Variants in KDM4C observed in about 807,000 individuals in gnomAD.
KDM4C encodes the protein lysine-specific demethylase 4C.
Under a neutral mutation model 129.3 loss-of-function variants are expected in KDM4C, and 81 were observed. That is an observed-to-expected ratio of 0.63 (90% confidence interval 0.52 to 0.75). The LOEUF (loss-of-function observed/expected upper bound fraction) is 0.75, where lower values mean the gene tolerates loss of function less well. Among genes scored for constraint, KDM4C ranks in the 30% least tolerant of loss-of-function variants. KDM4C has a pLI of 0.00. For missense variants in KDM4C, 1,457 were observed against 1,304.0 expected (o/e 1.12, Z -1.81); for synonymous variants, 573 against 456.1 (o/e 1.26, Z -3.26).
rs190065593 is a variant in KDM4C at position 6,881,328 on chromosome 9, A to T, written c.679+1267A>T. ...GTGTCTTTTTAAAAATGTAATACATAATAGTAATAATAGCGATTGATGTAA... is the reference window on the plus strand; with the variant it reads ...GTGTCTTTTTAAAAATGTAATACATTATAGTAATAATAGCGATTGATGTAA... On this transcript the variant is annotated intron_variant, in intron 6 of 21. Coordinates refer to ENST00000381309, the MANE Select transcript of KDM4C (RefSeq NM_015061.6). Among the ~76,000 whole-genome samples the T allele has an allele frequency of 1.8e-3, 275 of 152,322 alleles. 2 individuals carry two copies. Among genetic ancestry groups the T allele is most frequent in the African/African-American group, 6.3e-3 (261 of 41,574 alleles).
At chr9:6,807,380 C>G (rs1830200250) in intron 3 of KDM4C, among the ~76,000 whole-genome samples, 2 of 146,102 alleles carry the variant, frequency 1.4e-5, no homozygotes, top group African/African-American at 5.2e-5. Flanking sequence ...GCCTGGCTGC[C>G]CAGTCTGGAA....
Position 6,793,042 on chromosome 9 carries a change from C to T in KDM4C, c.54C>T (p.Thr18=), listed in dbSNP as rs781283427. The change falls in exon 2 of 22, where the codon ACC becomes ACT. Residue 18 remains threonine, a synonymous_variant. Transcript: ENST00000381309. ...TGAACCCCAGCTGTAAGATAATGAC[C>T]TTCAGACCCTCCATGGAGGAGTTCC... is the stretch of plus-strand genomic sequence containing the variant. ...SPLNPSCKIM[T]FRPSMEEFRE... The T allele has an allele frequency of 5.6e-6, 9 of 1,614,136 alleles. No individual in the cohort carries two copies. The highest frequency in any genetic ancestry group is 5.0e-5 in the Admixed American group (3 of 60,016).
In KDM4C at chr9:6,814,679, C is replaced by G; in HGVS notation, c.369C>G (p.Tyr123Ter). 6.2e-7 allele frequency: 1 copy of G among 1,611,382 alleles called. No homozygotes were observed. The highest frequency in any genetic ancestry group is 1.7e-5 in the Admixed American group (1 of 59,730). Residue 123 changes from tyrosine to a stop codon, truncating the protein, a stop_gained, in exon 4 of 22, where the codon TAC becomes TAG. Transcript: ENST00000381309. LOFTEE classifies it high-confidence loss of function. The stretch of plus-strand genomic sequence containing the variant: ...ATTACGAAGATTTGGAGCGCAAGTA[C>G]TGGAAGAACTTAACTTTTGTGGCAC... ...YLDYEDLERK[Y>*]WKNLTFVAPI...
At chr9:6,766,864 T>G (rs1379959443) in intron 1 of KDM4C, among the ~76,000 whole-genome samples, 3 of 152,150 alleles carry the variant, frequency 2.0e-5, no homozygotes, top group Non-Finnish European at 4.4e-5. Context: ...TTTCTCTTGT[T>G]GAATAAGGTT....
At chr9:6,873,188 G>T (rs1221370590) in intron 5 of KDM4C, among the ~76,000 whole-genome samples, 1 of 152,104 alleles carries the variant, frequency 6.6e-6, no homozygotes, top group Admixed American at 6.6e-5. Flanking sequence ...GTAGAGACGG[G>T]GTTTCACCAT....
At chr9:7,025,356 C>G (rs1349480204) in intron 15 of KDM4C, among the ~76,000 whole-genome samples, 2 of 151,930 alleles carry the variant, frequency 1.3e-5, no homozygotes, top group African/African-American at 2.4e-5. Context: ...TAGTGCGTTT[C>G]CATTGTTATT....
intron 8 of KDM4C, among the ~76,000 whole-genome samples, chr9:6,903,613 A>G (rs1035216230): frequency 6.6e-6 from 1 of 152,232 alleles, no homozygotes; most frequent in Non-Finnish European, 1.5e-5. Context: ...GTGAAAATAG[A>G]ATTGTAACTA....
chr9:6,939,527 C>T (rs1358643693), intron 8 of KDM4C, among the ~76,000 whole-genome samples: 1 of 152,112 alleles, frequency 6.6e-6, no homozygotes, highest in Non-Finnish European at 1.5e-5. Flanking sequence ...TTTGTCAGTC[C>T]CTGGTGCCAG....
intron 17 of KDM4C, among the ~76,000 whole-genome samples, chr9:7,074,327 C>A (rs1318802608): frequency 1.3e-5 from 2 of 152,008 alleles, no homozygotes; most frequent in African/African-American, 4.8e-5. Context: ...ACTTGCATGG[C>A]TAATTTTTTT....
chr9:7,008,490 C>T (rs778071238), intron 12 of KDM4C, among the ~76,000 whole-genome samples: 8 of 152,208 alleles, frequency 5.3e-5, no homozygotes, highest in Non-Finnish European at 1.2e-4. Flanking sequence ...CAAGCTGGTC[C>T]CCTGGTCTAG....
chr9:7,111,668 G>A (rs908528770), intron 18 of KDM4C, among the ~76,000 whole-genome samples: 2 of 152,158 alleles, frequency 1.3e-5, no homozygotes, highest in Admixed American at 1.3e-4. Context: ...AGGCTGAAGA[G>A]TTCAGTGTTA....
At chr9:6,939,052 G>T (rs1825346757) in intron 8 of KDM4C, among the ~76,000 whole-genome samples, 1 of 151,588 alleles carries the variant, frequency 6.6e-6, no homozygotes, top group South Asian at 2.1e-4. Context: ...CTGAGCCACA[G>T]ATCTCCTGCT....
At chr9:7,118,115 GAA>G (rs1173833267) in intron 18 of KDM4C, among the ~76,000 whole-genome samples, 1 of 152,084 alleles carries the variant, frequency 6.6e-6, no homozygotes, top group Admixed American at 6.6e-5. Flanking sequence ...GATTCAGATG[GAA>G]AAAAATTAGT....
At chr9:7,106,036 C>G (rs1388897562) in intron 18 of KDM4C, among the ~76,000 whole-genome samples, 1 of 152,088 alleles carries the variant, frequency 6.6e-6, no homozygotes, top group Non-Finnish European at 1.5e-5. Flanking sequence ...ATTGCCTTTG[C>G]TACATTTTCT....
At position 6,721,110 on chromosome 9, in the gene KDM4C, G is replaced by C. The variant is rs980578214; in HGVS notation, c.49+113G>C. The C allele has an allele frequency of 5.3e-5, 53 of 1,007,910 alleles. No homozygotes were observed. The African/African-American group carries it at 6.9e-4, about 13-fold the overall frequency. 62.4% of individuals were successfully genotyped at this position (1,007,910 alleles called of 1,614,324 possible). A position where few individuals can be genotyped will look rare whatever the true frequency, so the allele number is the denominator to read the frequency against. On this transcript the variant is annotated intron_variant, in intron 1 of 17. Transcript: ENST00000536108. ...TTATTTTTTTAGAATCAAGGTCTCT[G>C]TTGCCCAGGCTAGAGGGCAGTGGTG...
At chr9:6,788,589 T>C (rs889341182) in intron 1 of KDM4C, among the ~76,000 whole-genome samples, 1 of 152,242 alleles carries the variant, frequency 6.6e-6, no homozygotes, top group African/African-American at 2.4e-5. Flanking sequence ...GTAAATATGT[T>C]AACAATTTGG....
intron 1 of KDM4C, among the ~76,000 whole-genome samples, chr9:6,724,256 G>T (rs1486857935): frequency 6.6e-6 from 1 of 152,174 alleles, no homozygotes; most frequent in Non-Finnish European, 1.5e-5. Flanking sequence ...GGCAGTAAGT[G>T]CCATTTAGGG....
intron 8 of KDM4C, among the ~76,000 whole-genome samples, chr9:6,939,095 CTTGTGG>C (rs896503318): frequency 1.5e-4 from 23 of 151,660 alleles, no homozygotes; most frequent in African/African-American, 5.1e-4. Context: ...CCACAGACTG[CTTGTGG>C]TTAGGTTCCA....
At chr9:6,917,902 C>G (rs1256947641) in intron 8 of KDM4C, among the ~76,000 whole-genome samples, 2 of 152,180 alleles carry the variant, frequency 1.3e-5, no homozygotes, top group Non-Finnish European at 2.9e-5. Flanking sequence ...GACCATTGTC[C>G]AGGCATCTCA....
Sources: allele counts gnomAD v4.1 joint callset (sites outside exome capture counted in the v4.1 genomes callset), GRCh38; gene constraint gnomAD v4.1.1; transcripts MANE v1.5; gene names NCBI Gene and HGNC (gene_info 2026-07-23, HGNC 2026-07-21).